Variants in DGKB observed in about 807,000 individuals in gnomAD.
The protein encoded by DGKB is diacylglycerol kinase beta.
In DGKB, 67 loss-of-function variants were observed where a neutral mutation model predicts 114.3. The ratio of observed to expected loss-of-function variants is 0.59; its 90% CI spans 0.48 to 0.72. DGKB has a LOEUF of 0.72. Among genes scored for constraint, DGKB ranks in the 30% least tolerant of loss-of-function variants. The pLI, the probability that DGKB is intolerant of heterozygous loss-of-function variation, is 0.00. For synonymous variants in DGKB, 398 were observed against 323.1 expected (o/e 1.23, Z -2.49); for missense variants, 907 against 975.2 (o/e 0.93, Z 0.93).
chr7:14,741,511 T>C lies in DGKB; in HGVS notation c.169-5317A>G, dbSNP rs964861711. On this transcript the variant is annotated intron_variant, in intron 4 of 25. Transcript: ENST00000402815. ...TGGCAAACTGCCTAGTATGTTGTTT[T>C]TGTCTCCGCTATTTTACGGTGGCAG... 1.6e-4 allele frequency among the ~76,000 whole-genome samples: 24 copies of C among 152,258 alleles called. No homozygotes were observed. In the East Asian group the frequency reaches 4.6e-3, roughly 29 times the overall value.
intron 13 of DGKB, among the ~76,000 whole-genome samples, chr7:14,669,895 T>C (rs948543348): frequency 1.3e-5 from 2 of 152,136 alleles, no homozygotes; most frequent in Non-Finnish European, 2.9e-5. Flanking sequence ...ATAATAAGGA[T>C]GTAACCTCTC....
intron 23 of DGKB, among the ~76,000 whole-genome samples, chr7:14,276,020 A>G (rs1420243204): frequency 2.0e-5 from 3 of 152,208 alleles, no homozygotes; most frequent in Non-Finnish European, 4.4e-5. Flanking sequence ...TACTATAGTG[A>G]TAGACCTATT....
chr7:14,613,895 AACTC>A (rs1346301068), intron 15 of DGKB, among the ~76,000 whole-genome samples: 1 of 152,102 alleles, frequency 6.6e-6, no homozygotes, highest in Non-Finnish European at 1.5e-5. Context: ...ACTGGAAAGA[AACTC>A]AATAAGATCC....
chr7:14,493,058 A>C (rs1784814299), intron 20 of DGKB, among the ~76,000 whole-genome samples: 1 of 152,092 alleles, frequency 6.6e-6, no homozygotes, highest in East Asian at 1.9e-4. Context: ...CTGATAAAAT[A>C]GTTTTATGTT....
At chr7:14,265,140 ATT>A (rs35138234) in intron 23 of DGKB, among the ~76,000 whole-genome samples, 2 of 142,730 alleles carry the variant, frequency 1.4e-5, no homozygotes, top group Admixed American at 7.0e-5. Context: ...TCCGGAGATC[ATT>A]TTTTTTTTTT....
At chr7:14,818,673 C>T (rs1844495674) in intron 2 of DGKB, among the ~76,000 whole-genome samples, 1 of 152,174 alleles carries the variant, frequency 6.6e-6, no homozygotes, top group Non-Finnish European at 1.5e-5. Context: ...CACCTCCAGT[C>T]AGATTAGTTT....
chr7:14,211,082 C>T (rs1018807111), intron 23 of DGKB, among the ~76,000 whole-genome samples: 2 of 152,024 alleles, frequency 1.3e-5, no homozygotes, highest in African/African-American at 4.8e-5. Context: ...TAGGTTTCTT[C>T]ACTGTGTTCT....
At chr7:14,352,714 G>A (rs1043036867) in intron 21 of DGKB, among the ~76,000 whole-genome samples, 5 of 152,132 alleles carry the variant, frequency 3.3e-5, no homozygotes, top group Non-Finnish European at 7.4e-5. Context: ...CACGAGGTCA[G>A]GAGTTTGAGA....
At chr7:14,698,215 G>T in intron 7 of DGKB, 46 bp from the exon 8 acceptor site, 1 of 1,220,508 alleles carries the variant, frequency 8.2e-7, no homozygotes, top group South Asian at 1.4e-5. Context: ...AGATCTTAGT[G>T]AGTTTTAAAT....
chr7:14,931,599 G>A (rs996341308), intron 1 of DGKB, among the ~76,000 whole-genome samples: 2 of 152,166 alleles, frequency 1.3e-5, no homozygotes, highest in Non-Finnish European at 2.9e-5. Context: ...TTGGAATGCG[G>A]AGGGTGGAAC....
intron 23 of DGKB, among the ~76,000 whole-genome samples, chr7:14,222,210 T>A (rs1354239594): frequency 6.6e-6 from 1 of 150,984 alleles, no homozygotes; most frequent in Admixed American, 6.6e-5. Flanking sequence ...AGTGTGCTCT[T>A]CTTTTTTTGT....
intron 1 of DGKB, among the ~76,000 whole-genome samples, chr7:14,937,175 TAATC>T (rs887632777): frequency 6.6e-6 from 1 of 152,140 alleles, no homozygotes; most frequent in African/African-American, 2.4e-5. Flanking sequence ...ATCAACGTAT[TAATC>T]AATTAATCTA....
intron 21 of DGKB, among the ~76,000 whole-genome samples, chr7:14,427,934 T>G (rs1827822040): frequency 6.6e-6 from 1 of 152,146 alleles, no homozygotes. Context: ...CTCAAAAGTT[T>G]TCTTAAATTA....
intron 21 of DGKB, among the ~76,000 whole-genome samples, chr7:14,431,592 G>T (rs1828456389): frequency 6.6e-6 from 1 of 151,864 alleles, no homozygotes; most frequent in African/African-American, 2.4e-5. Context: ...CTTTCTAAAG[G>T]CAATACTCTA....
chr7:14,845,295 A>G (rs980348360), intron 1 of DGKB, among the ~76,000 whole-genome samples: 1 of 152,182 alleles, frequency 6.6e-6, no homozygotes, highest in East Asian at 1.9e-4. Flanking sequence ...GCACACTCAT[A>G]CAGACCATCC....
intron 2 of DGKB, among the ~76,000 whole-genome samples, chr7:14,801,376 T>C (rs1342631907): frequency 6.6e-6 from 1 of 152,104 alleles, no homozygotes; most frequent in Admixed American, 6.6e-5. Flanking sequence ...GGACATCTGA[T>C]GGTTAGCTTT....
In DGKB at chr7:14,685,245, A is replaced by G; in HGVS notation, c.829T>C (p.Phe277Leu). 6.2e-7 allele frequency: 1 copy of G among 1,606,358 alleles called. No homozygotes were observed. ...GVGKQGLCCS[F>L]CKYTVHERCV... ...GTCCAGGCAGAGCAAATGTACTCAC[A>G]GGAACAGCAGAGGCCCTGCTTCCCC... is the stretch of plus-strand genomic sequence containing the variant. Residue 277 changes from phenylalanine (F) to leucine (L), a missense_variant and splice_region_variant, in exon 10 of 26, where the codon TTC (phenylalanine) becomes CTC (leucine). Phe to Leu is a conservative substitution (Grantham distance 22). Coordinates refer to ENST00000402815, the MANE Select transcript of DGKB (RefSeq NM_001350709.2).
chr7:14,877,247 C>T (rs1217406363), intron 1 of DGKB, among the ~76,000 whole-genome samples: 1 of 152,130 alleles, frequency 6.6e-6, no homozygotes, highest in Admixed American at 6.6e-5. Flanking sequence ...CTCATTCTTA[C>T]TTAAATATCC....
At chr7:14,396,661 A>G (rs762201299) in intron 21 of DGKB, among the ~76,000 whole-genome samples, 2 of 152,198 alleles carry the variant, frequency 1.3e-5, no homozygotes, top group Admixed American at 6.6e-5. Flanking sequence ...ATATTTAAAC[A>G]GAACCAGTAT....
Sources: gnomAD v4.1 joint callset for allele counts (sites outside exome capture counted in the v4.1 genomes callset) on GRCh38, gnomAD v4.1.1 for gene constraint, MANE v1.5 for transcripts, NCBI Gene and HGNC (gene_info 2026-07-23, HGNC 2026-07-21) for gene names.